The following SUGCT variants were observed in gnomAD, a reference collection of about 807,000 sequenced individuals.
SUGCT encodes succinyl-CoA:glutarate CoA-transferase.
SUGCT carries 41 observed loss-of-function variants against 55.0 expected under a neutral mutation model. The observed-to-expected ratio is 0.74, with a 90% confidence interval of 0.58 to 0.97. SUGCT has a LOEUF of 0.97. SUGCT is among the 50% of genes least tolerant of loss of function. The probability of loss-of-function intolerance (pLI) is 0.00; values close to 1 mark genes in which losing one functional copy is unlikely to be tolerated. For missense variants in SUGCT, 568 were observed against 547.8 expected, an observed-to-expected ratio of 1.04 and a Z score of -0.37; for synonymous variants, 187 against 200.4, an observed-to-expected ratio of 0.93 and a Z score of 0.56.
chr7:40,482,069 C>T (rs1303727014), intron 11 of SUGCT, among the ~76,000 whole-genome samples: 1 of 152,042 alleles, frequency 6.6e-6, no homozygotes, highest in Non-Finnish European at 1.5e-5. Flanking sequence ...TAAAATGATA[C>T]ATATTTAAAA....
rs2151624090 is a variant in SUGCT at position 40,543,354 on chromosome 7, A to G, written c.1089+46968A>G. The stretch of plus-strand genomic sequence containing the variant: ...TATATGCAGCTCAAAAAATGATAAC[A>G]AGTACAAAATTTTCACAAATGAAAT... On this transcript the variant is annotated intron_variant, in intron 12 of 13. Coordinates refer to ENST00000335693, the MANE Select transcript of SUGCT (RefSeq NM_001193313.2). 2.0e-5 allele frequency among the ~76,000 whole-genome samples: 3 copies of G among 152,368 alleles called. No individual in the cohort carries two copies. The South Asian group carries it at 6.2e-4, about 32-fold the overall frequency.
At chr7:40,202,475 G>A (rs1433502282) in intron 6 of SUGCT, among the ~76,000 whole-genome samples, 1 of 152,094 alleles carries the variant, frequency 6.6e-6, no homozygotes, top group African/African-American at 2.4e-5. Flanking sequence ...GCATGCATGT[G>A]TCTGCATGTC....
At chr7:40,439,096 ATATATATATATATATG>A (rs1788353661) in intron 9 of SUGCT, among the ~76,000 whole-genome samples, 1 of 132,198 alleles carries the variant, frequency 7.6e-6, no homozygotes, top group Non-Finnish European at 1.6e-5. Flanking sequence ...ATATATATAT[ATATATATATATATATG>A]GATAGAGAGA....
rs572517738 is a variant in SUGCT at position 40,346,646 on chromosome 7, C to T, written c.816+29791C>T. ...ATATGTTTGCAGACATACACACACA[C>T]TGTTGTTACGAGCTATATGTGTCCC... is the stretch of plus-strand genomic sequence containing the variant. On this transcript the variant is annotated intron_variant, in intron 9 of 13. Coordinates refer to ENST00000335693, the MANE Select transcript of SUGCT (RefSeq NM_001193313.2). 1.8e-4 allele frequency among the ~76,000 whole-genome samples: 27 copies of T among 152,296 alleles called. No homozygotes were observed. In the South Asian group the frequency reaches 5.4e-3, roughly 30 times the overall value.
chr7:40,633,979 T>G (rs1799911195), intron 12 of SUGCT, among the ~76,000 whole-genome samples: 1 of 152,140 alleles, frequency 6.6e-6, no homozygotes, highest in Non-Finnish European at 1.5e-5. Context: ...TGAAATTTTA[T>G]CTCTGAAAAT....
At chr7:40,596,260 GTTTA>G (rs1562888553) in intron 12 of SUGCT, among the ~76,000 whole-genome samples, 1 of 151,960 alleles carries the variant, frequency 6.6e-6, no homozygotes, top group South Asian at 2.1e-4. Flanking sequence ...TATTTTAATA[GTTTA>G]TTCATTCATT....
chr7:40,530,099 T>C (rs1434206503), intron 12 of SUGCT, among the ~76,000 whole-genome samples: 1 of 152,234 alleles, frequency 6.6e-6, no homozygotes, highest in Non-Finnish European at 1.5e-5. Flanking sequence ...TCTGCCTTTC[T>C]GTGTCACGCA....
the SUGCT span, among the ~76,000 whole-genome samples, chr7:40,888,376 G>A: frequency 4.6e-5 from 7 of 151,826 alleles, no homozygotes; most frequent in South Asian, 1.0e-3. Context: ...ACTTGAACCC[G>A]GGAAGCGAAA....
At chr7:41,013,150 A>G in the SUGCT span, among the ~76,000 whole-genome samples, 1 of 152,176 alleles carries the variant, frequency 6.6e-6, no homozygotes, top group Non-Finnish European at 1.5e-5. Flanking sequence ...GTTCAGAACA[A>G]TGATAAATAC....
At chr7:40,568,397 A>G (rs908927361) in intron 12 of SUGCT, among the ~76,000 whole-genome samples, 3 of 152,138 alleles carry the variant, frequency 2.0e-5, no homozygotes, top group African/African-American at 7.2e-5. Context: ...CAAACTAGAA[A>G]CCTATAAGGT....
At chr7:40,741,520 T>C (rs1263316286) in intron 12 of SUGCT, among the ~76,000 whole-genome samples, 5 of 152,204 alleles carry the variant, frequency 3.3e-5, no homozygotes, top group African/African-American at 7.2e-5. Context: ...GTGGGAGTGA[T>C]TGGTAAGTGA....
chr7:40,984,042 T>G, the SUGCT span, among the ~76,000 whole-genome samples: 1 of 152,046 alleles, frequency 6.6e-6, no homozygotes, highest in East Asian at 1.9e-4. Context: ...GCCACGTTAC[T>G]TCCAGGTTCA....
the SUGCT span, among the ~76,000 whole-genome samples, chr7:41,000,687 A>C: frequency 3.3e-5 from 5 of 152,160 alleles, no homozygotes; most frequent in Non-Finnish European, 5.9e-5. Context: ...TATATTTGCA[A>C]ATAATGTTTC....
the SUGCT span, among the ~76,000 whole-genome samples, chr7:40,872,033 G>A: frequency 0.11 from 16,016 of 152,080 alleles, 945 homozygotes; most frequent in Middle Eastern, 0.19. Context: ...GGAGTGTGGG[G>A]GGAGAAGGAT....
chr7:40,537,358 T>C (rs1794420244), intron 12 of SUGCT, among the ~76,000 whole-genome samples: 2 of 152,218 alleles, frequency 1.3e-5, no homozygotes, highest in Admixed American at 1.3e-4. Flanking sequence ...TAAAAAATGC[T>C]ATTTTTTATA....
At chr7:40,825,843 C>T (rs1792285242) in intron 13 of SUGCT, among the ~76,000 whole-genome samples, 1 of 152,136 alleles carries the variant, frequency 6.6e-6, no homozygotes, top group Non-Finnish European at 1.5e-5. Flanking sequence ...CATAGAAACT[C>T]GTATTTCAAT....
chr7:40,897,070 G>A, the SUGCT span, among the ~76,000 whole-genome samples: 1 of 152,184 alleles, frequency 6.6e-6, no homozygotes, highest in South Asian at 2.1e-4. Context: ...ATGGTCATTT[G>A]ATTTTTGGCA....
chr7:40,759,979 A>G, intron 13 of SUGCT, among the ~76,000 whole-genome samples: 1 of 152,126 alleles, frequency 6.6e-6, no homozygotes, highest in African/African-American at 2.4e-5. Flanking sequence ...AAACATGTGG[A>G]CTACATTTCC....
chr7:40,862,857 A>G (rs1424627463), downstream of SUGCT, among the ~76,000 whole-genome samples: 1 of 151,856 alleles, frequency 6.6e-6, no homozygotes, highest in Non-Finnish European at 1.5e-5. Flanking sequence ...ATGAATATTG[A>G]TCAACTTTGT....
Sources: allele counts gnomAD v4.1 joint callset (sites outside exome capture counted in the v4.1 genomes callset), GRCh38; gene constraint gnomAD v4.1.1; transcripts MANE v1.5; gene names NCBI Gene and HGNC (gene_info 2026-07-23, HGNC 2026-07-21).